CNGA1: variants seen among roughly 807,000 people sequenced by gnomAD.
CNGA1 encodes cyclic nucleotide gated channel subunit alpha 1, also known as cyclic nucleotide-gated channel alpha-1.
A neutral mutation model predicts 69.7 loss-of-function variants in CNGA1; 53 were observed. The observed-to-expected ratio is 0.76, with a 90% CI of 0.61 to 0.96. The LOEUF (loss-of-function observed/expected upper bound fraction) is 0.96. CNGA1 is among the 40% of genes least tolerant of loss of function. CNGA1 has a pLI of 0.00. For missense variants in CNGA1, 739 were observed against 811.2 expected, an observed-to-expected ratio of 0.91 and a Z score of 1.08; for synonymous variants, 249 against 283.5, an observed-to-expected ratio of 0.88 and a Z score of 1.22.
At chr4:47,965,234 T>C (rs938923894) in intron 3 of CNGA1, among the ~76,000 whole-genome samples, 1 of 152,166 alleles carries the variant, frequency 6.6e-6, no homozygotes, top group Non-Finnish European at 1.5e-5. Context: ...GAGGTAGATG[T>C]TTTATTCATG....
intron 3 of CNGA1, among the ~76,000 whole-genome samples, chr4:47,972,584 C>T (rs1048111236): frequency 4.6e-5 from 7 of 152,094 alleles, no homozygotes; most frequent in African/African-American, 7.2e-5. Context: ...CATTTTTTAC[C>T]CTACAGTTTT....
intron 1 of CNGA1, among the ~76,000 whole-genome samples, chr4:48,014,933 G>A (rs550247871): frequency 6.6e-6 from 1 of 152,286 alleles, no homozygotes; most frequent in South Asian, 2.1e-4. Flanking sequence ...AGCCCTTTGG[G>A]AGGCCGAGGT....
chr4:47,938,946 T>TGGAG (rs1233038395), intron 10 of CNGA1, among the ~76,000 whole-genome samples: 1 of 112,642 alleles, frequency 8.9e-6, no homozygotes, highest in Admixed American at 1.1e-4. Flanking sequence ...GAGAGAGGGA[T>TGGAG]GGAGGGAGGG....
intron 8 of CNGA1, 191 bp downstream of exon 8, chr4:47,942,990 A>AT: frequency 6.1e-6 from 3 of 493,302 alleles, no homozygotes; most frequent in Non-Finnish European, 1.1e-5. Flanking sequence ...TTTTAGGGAA[A>AT]TTGGAAAAAG....
Position 47,958,483 on chromosome 4 carries a change from G to T in CNGA1, c.-14-5780C>A, listed in dbSNP as rs142690744. ...CTACAAAAATACAAAAATTAGCAGG[G>T]CATGATGGCGGGTGACTAATCCCAG... is the stretch of plus-strand genomic sequence containing the variant. On this transcript the variant is annotated intron_variant, in intron 3 of 10. Transcript: ENST00000514170. Among the ~76,000 whole-genome samples, 1,373 of 152,116 alleles carry T rather than the reference G, an allele frequency of 9.0e-3. 18 individuals carry two copies. The highest frequency in any genetic ancestry group is 0.03 in the African/African-American group (1,259 of 41,482).
At chr4:48,006,977 C>T (rs1038894749) in intron 2 of CNGA1, among the ~76,000 whole-genome samples, 6 of 151,764 alleles carry the variant, frequency 4.0e-5, no homozygotes, top group Admixed American at 3.9e-4. Context: ...AAGGTTTACA[C>T]TTGATATCAC....
At chr4:47,993,261 T>A (rs533629133) in intron 2 of CNGA1, among the ~76,000 whole-genome samples, 1 of 152,268 alleles carries the variant, frequency 6.6e-6, no homozygotes, top group East Asian at 1.9e-4. Context: ...TCAGTAGAAT[T>A]GGTACCAATT....
At chr4:48,007,219 C>T (rs1714958993) in intron 2 of CNGA1, among the ~76,000 whole-genome samples, 1 of 152,010 alleles carries the variant, frequency 6.6e-6, no homozygotes, top group Admixed American at 6.5e-5. Context: ...TTCCATAAGC[C>T]TTTTATAACC....
chr4:47,937,433 T>C lies in CNGA1; in HGVS notation c.1049A>G (p.Tyr350Cys), dbSNP rs766184739. ...RLARKYVYSL[Y>C]WSTLTLTTIG... ...GGTAGTCAAAGTCAGTGTAGACCAG[T>C]AAAGGCTGTATACGTATTTTCTAGC... The change falls in exon 11 of 11, where the codon TAC becomes TGC. Residue 350 changes from tyrosine (Y) to cysteine (C), a missense_variant. Tyr to Cys is a radical substitution (Grantham distance 194, BLOSUM62 -2). Coordinates refer to ENST00000514170, the MANE Select transcript of CNGA1 (RefSeq NM_001379270.1). 6.2e-7 allele frequency: 1 copy of C among 1,614,128 alleles called. No individual in the cohort carries two copies. Among genetic ancestry groups the C allele is most frequent in the Non-Finnish European group, 8.5e-7 (1 of 1,180,024 alleles).
chr4:48,008,946 T>C (rs573262589), intron 2 of CNGA1, among the ~76,000 whole-genome samples: 1 of 152,336 alleles, frequency 6.6e-6, no homozygotes, highest in South Asian at 2.1e-4. Flanking sequence ...ATATAGCTGT[T>C]TTCATTAAAC....
intron 2 of CNGA1, among the ~76,000 whole-genome samples, chr4:47,990,185 A>C (rs1212321469): frequency 1.3e-5 from 2 of 152,126 alleles, no homozygotes; most frequent in East Asian, 3.9e-4. Flanking sequence ...GGAACGAGGG[A>C]GGATAAAGGT....
chr4:47,980,701 T>C (rs1475543087), intron 3 of CNGA1, among the ~76,000 whole-genome samples: 1 of 152,014 alleles, frequency 6.6e-6, no homozygotes, highest in Admixed American at 6.6e-5. Context: ...TCTCCAACTG[T>C]TGGGCTCAAG....
chr4:47,986,468 C>T (rs1423313709), intron 2 of CNGA1, among the ~76,000 whole-genome samples: 2 of 151,380 alleles, frequency 1.3e-5, no homozygotes, highest in African/African-American at 2.4e-5. Flanking sequence ...ATAATTCTAG[C>T]AAAATATAAC....
intron 2 of CNGA1, among the ~76,000 whole-genome samples, chr4:47,999,806 G>A (rs1191465068): frequency 6.6e-6 from 1 of 152,144 alleles, no homozygotes; most frequent in Non-Finnish European, 1.5e-5. Context: ...AGGAGGCAGA[G>A]GTTGTAGTGA....
chr4:47,952,250 C>A (rs2110159665), intron 4 of CNGA1, among the ~76,000 whole-genome samples: 1 of 152,134 alleles, frequency 6.6e-6, no homozygotes, highest in Admixed American at 6.5e-5. Context: ...CACATGTAGT[C>A]CCAGCTACCT....
Position 47,940,831 on chromosome 4 carries a change from T to C in CNGA1, c.584A>G (p.Tyr195Cys), listed in dbSNP as rs1739030400. 6 of 1,612,132 alleles carry C rather than the reference T, an allele frequency of 3.7e-6. No homozygotes were observed. Among genetic ancestry groups the C allele is most frequent in the Non-Finnish European group, 4.2e-6 (5 of 1,178,616 alleles). Reference sequence around the variant, plus strand: ...TGATACGTAATCCAAAATGAGCCAATATTCTAGGTAATCAGATTGAAGTTC... The same window carrying C: ...TGATACGTAATCCAAAATGAGCCAACATTCTAGGTAATCAGATTGAAGTTC... ...FDELQSDYLE[Y>C]WLILDYVSDI... Residue 195 changes from tyrosine to cysteine, a missense_variant, in exon 10 of 11, where the codon TAT becomes TGT. Physicochemically the swap from Tyr to Cys is radical, Grantham distance 194. Transcript: ENST00000514170.
rs533305644 is a variant in CNGA1, at chr4:47,984,087, G to T, written c.-122-2587C>A. On this transcript the variant is annotated intron_variant, in intron 2 of 10. Transcript: ENST00000514170. The stretch of plus-strand genomic sequence containing the variant: ...ATGTCTAGGCCTATCTGACTTCAGA[G>T]CACCACACTACTTTTGACATCTGGA... Among the ~76,000 whole-genome samples the T allele has an allele frequency of 2.5e-4, 38 of 152,280 alleles. 2 individuals carry two copies. In the South Asian group the frequency reaches 7.9e-3, roughly 32 times the overall value.
Position 47,940,872 on chromosome 4 carries a change from A to G in CNGA1, c.546-3T>C, listed in dbSNP as rs1387629043. On this transcript the variant is annotated splice_region_variant and splice_polypyrimidine_tract_variant and intron_variant, in intron 9 of 10. Transcript: ENST00000514170. ...ATTGAAGTTCATCAAAACATGCTCTATAAAAAAAGAAACACTTGTATAAAT... is the reference window on the plus strand; with the variant it reads ...ATTGAAGTTCATCAAAACATGCTCTGTAAAAAAAGAAACACTTGTATAAAT... 1 of 1,581,720 alleles carries G rather than the reference A, an allele frequency of 6.3e-7. No individual in the cohort carries two copies. The highest frequency in any genetic ancestry group is 8.7e-7 in the Non-Finnish European group (1 of 1,153,402).
rs1209344116 is a variant in CNGA1, at chr4:47,937,838, G to A, written c.653-9C>T. On this transcript the variant is annotated splice_polypyrimidine_tract_variant and intron_variant, in intron 10 of 10. Coordinates refer to ENST00000514170, the MANE Select transcript of CNGA1 (RefSeq NM_001379270.1). The stretch of plus-strand genomic sequence containing the variant: ...TCCTTGTTCTAGGTAACCTAAAATA[G>A]AAAATAAAATCAATTCAGTGTTTCT... 6.3e-7 allele frequency: 1 copy of A among 1,588,482 alleles called. No homozygotes were observed. The highest frequency in any genetic ancestry group is 8.6e-7 in the Non-Finnish European group (1 of 1,157,858).
Sources: allele counts gnomAD v4.1 joint callset (sites outside exome capture counted in the v4.1 genomes callset), GRCh38; gene constraint gnomAD v4.1.1; transcripts MANE v1.5; gene names NCBI Gene and HGNC (gene_info 2026-07-23, HGNC 2026-07-21).